The following IFNAR1 variants were observed in gnomAD, a reference collection of about 807,000 sequenced individuals.
IFNAR1 encodes the protein interferon alpha/beta receptor 1.
In IFNAR1, 47 loss-of-function variants were observed where a neutral mutation model predicts 62.1. That is an observed-to-expected ratio of 0.76 (90% CI 0.60 to 0.97). IFNAR1 has a LOEUF of 0.97. IFNAR1 is among the 50% of genes least tolerant of loss of function. The pLI, the probability that IFNAR1 is intolerant of heterozygous loss-of-function variation, is 0.00. For synonymous variants in IFNAR1, 219 were observed against 226.9 expected (o/e 0.97, Z 0.31); for missense variants, 638 against 654.5 (o/e 0.97, Z 0.27).
At chr21:33,348,118 T>G (rs1255497548) in intron 6 of IFNAR1, among the ~76,000 whole-genome samples, 1 of 152,214 alleles carries the variant, frequency 6.6e-6, no homozygotes, top group Non-Finnish European at 1.5e-5. Flanking sequence ...GCTGTTGGTT[T>G]CTGGGCAAGT....
Position 33,349,459 on chromosome 21 carries a change from A to G in IFNAR1, c.1059A>G (p.Pro353=). 1 of 1,612,192 alleles carries G rather than the reference A, an allele frequency of 6.2e-7. No homozygotes were observed. The highest frequency in any genetic ancestry group is 8.5e-7 in the Non-Finnish European group (1 of 1,178,302). The change falls in exon 8 of 11, where the codon CCA becomes CCG. Residue 353 remains proline, a synonymous_variant. Coordinates refer to ENST00000270139, the MANE Select transcript of IFNAR1 (RefSeq NM_000629.3). ...CATTCCATATCTATATCGGTGCTCCAAAACAGTCTGGAAACACGCCTGTGA... is the reference window on the plus strand; with the variant it reads ...CATTCCATATCTATATCGGTGCTCCGAAACAGTCTGGAAACACGCCTGTGA... The part of the protein sequence containing the change: ...SDSFHIYIGA[P]KQSGNTPVIQ...
intron 2 of IFNAR1, among the ~76,000 whole-genome samples, chr21:33,336,747 C>CTTTTTTTTTTTT (rs562998490): frequency 1.1e-5 from 1 of 92,696 alleles, no homozygotes; most frequent in African/African-American, 4.1e-5. Context: ...TTTAGGTACA[C>CTTTTTTTTTTTT]TTTTTTTTTT....
rs180872415 is a variant in IFNAR1, at chr21:33,345,225, T to A, written c.674-21T>A. 4,003 of 1,171,574 alleles carry A rather than the reference T, an allele frequency of 3.4e-3. 11 individuals carry two copies. The highest frequency in any genetic ancestry group is 4.5e-3 in the Non-Finnish European group (3,535 of 787,582). The allele number at this position is 1,171,574 out of a possible 1,614,324, so 72.6% of individuals were successfully genotyped here. On this transcript the variant is annotated intron_variant, in intron 5 of 10. Transcript: ENST00000270139. ...TTGAGTAAAAATGTGTGCTTTTTTT[T>A]ATCTGTTCTTTGGCTTCTAGTTGAA... is the stretch of plus-strand genomic sequence containing the variant.
chr21:33,345,443 T>A, intron 6 of IFNAR1, 83 bp downstream of exon 6: 3 of 777,798 alleles, frequency 3.9e-6, no homozygotes. Flanking sequence ...ACCAGGTCCT[T>A]GCACACAGAA....
In IFNAR1 at chr21:33,334,196, C is replaced by T. The variant is rs80197321; in HGVS notation, c.77-1328C>T. On this transcript the variant is annotated intron_variant, in intron 1 of 10. Coordinates refer to ENST00000270139, the MANE Select transcript of IFNAR1 (RefSeq NM_000629.3). ...GATATATAAAGTAAATATTACTATACGTAAAGGGAAAGATAGACTCCAATA... is the reference window on the plus strand; with the variant it reads ...GATATATAAAGTAAATATTACTATATGTAAAGGGAAAGATAGACTCCAATA... 4.3e-4 allele frequency among the ~76,000 whole-genome samples: 65 copies of T among 152,184 alleles called. No individual in the cohort carries two copies. The East Asian group carries it at 9.2e-3, about 22-fold the overall frequency.
chr21:33,355,285 GA>G, intron 10 of IFNAR1, 30 bp from the exon 11 acceptor site: 5 of 1,047,462 alleles, frequency 4.8e-6, no homozygotes, highest in Non-Finnish European at 7.0e-6. Flanking sequence ...TTAAATAATT[GA>G]TTTCTACTCT....
chr21:33,350,827 A>G (rs1273616662), intron 8 of IFNAR1, among the ~76,000 whole-genome samples: 1 of 152,214 alleles, frequency 6.6e-6, no homozygotes, highest in Non-Finnish European at 1.5e-5. Context: ...AGATGTCTGT[A>G]GATCAGACAA....
intron 6 of IFNAR1, among the ~76,000 whole-genome samples, chr21:33,346,438 A>G (rs2123254829): frequency 6.6e-6 from 1 of 152,364 alleles, no homozygotes; most frequent in African/African-American, 2.4e-5. Flanking sequence ...AAATGCATTT[A>G]TGTGCATATG....
chr21:33,344,360 A>AT (rs1185394322), intron 5 of IFNAR1, among the ~76,000 whole-genome samples: 1 of 152,166 alleles, frequency 6.6e-6, no homozygotes, highest in African/African-American at 2.4e-5. Flanking sequence ...ATCCTGATAC[A>AT]TTTAGTAACA....
At chr21:33,343,231 A>G in intron 3 of IFNAR1, 37 bp from the exon 4 acceptor site, 1 of 1,586,780 alleles carries the variant, frequency 6.3e-7, no homozygotes. Flanking sequence ...CATTGTATTA[A>G]TAAAGTTCCA....
rs866882094 is a variant in IFNAR1, at chr21:33,338,531, C to A, written c.201-2468C>A. Among the ~76,000 whole-genome samples the A allele has an allele frequency of 3.2e-3, 376 of 115,954 alleles. 1 individual carries two copies. Among genetic ancestry groups the A allele is most frequent in the South Asian group, 3.5e-3 (12 of 3,428 alleles). The allele number at this position is 115,954 out of a possible 152,430, so 76.1% of individuals were successfully genotyped here. ...CCTGGGTGACAGCAAGACTTCATCT[C>A]AAAAAAAAAAAAAAACCCAACAAAT... On this transcript the variant is annotated intron_variant, in intron 2 of 10. Coordinates refer to ENST00000270139, the MANE Select transcript of IFNAR1 (RefSeq NM_000629.3).
At position 33,355,583 on chromosome 21, in the gene IFNAR1, C is replaced by A; in HGVS notation, c.*34C>A. ...GAACTGTGTCAAGTATAAGGTTTTT[C>A]AGCAGGAGTTACACTGGGAGCCTGA... On this transcript the variant is annotated 3_prime_UTR_variant, in exon 11 of 11. Transcript: ENST00000270139. 8.2e-7 allele frequency: 1 copy of A among 1,224,100 alleles called. No homozygotes were observed. Among genetic ancestry groups the A allele is most frequent in the Non-Finnish European group, 1.1e-6 (1 of 869,744 alleles). The allele number at this position is 1,224,100 out of a possible 1,614,324, so 75.8% of individuals were successfully genotyped here.
At chr21:33,327,147 C>T (rs969354639) in intron 1 of IFNAR1, among the ~76,000 whole-genome samples, 5 of 152,098 alleles carry the variant, frequency 3.3e-5, no homozygotes, top group Non-Finnish European at 5.9e-5. Context: ...CTGGTGCATC[C>T]CATAGTAATT....
Position 33,355,664 on chromosome 21 carries a change from G to GA in IFNAR1, c.*121dup, listed in dbSNP as rs2083441092. On this transcript the variant is annotated 3_prime_UTR_variant, in exon 11 of 11. Transcript: ENST00000270139. ...GAGGACGTTTCCCTGTTTAGGGAAA[G>GA]AAAAAACATCTTCAGATCATAGGTC... 1 of 554,784 alleles carries GA rather than the reference G, an allele frequency of 1.8e-6. No homozygotes were observed. Among genetic ancestry groups the GA allele is most frequent in the East Asian group, 3.1e-5 (1 of 32,432 alleles). The allele number at this position is 554,784 out of a possible 1,614,324, so 34.4% of individuals were successfully genotyped here. A position where few individuals can be genotyped will look rare whatever the true frequency, so the allele number is the denominator to read the frequency against.
At chr21:33,348,882 T>C (rs2083373723) in intron 6 of IFNAR1, among the ~76,000 whole-genome samples, 1 of 152,178 alleles carries the variant, frequency 6.6e-6, no homozygotes, top group South Asian at 2.1e-4. Context: ...CATATTGATA[T>C]GAGCCACCTC....
chr21:33,331,985 C>G (rs1055352177), intron 1 of IFNAR1, among the ~76,000 whole-genome samples: 3 of 152,176 alleles, frequency 2.0e-5, no homozygotes, highest in Admixed American at 6.5e-5. Flanking sequence ...CCACAGAGAG[C>G]AAACCCACCT....
Position 33,333,614 on chromosome 21 carries a change from A to ATTTTTTTTTTTTTTTTTTTTTTT in IFNAR1, c.77-1899_77-1898insTTTTTTTTTTTTTTTTTTTTTTT, listed in dbSNP as rs59240203. 1.1e-3 allele frequency among the ~76,000 whole-genome samples: 119 copies of ATTTTTTTTTTTTTTTTTTTTTTT among 106,980 alleles called. 21 individuals carry two copies. Among genetic ancestry groups the ATTTTTTTTTTTTTTTTTTTTTTT allele is most frequent in the Middle Eastern group, 5.2e-3 (1 of 192 alleles). 70.2% of individuals were successfully genotyped at this position (106,980 alleles called of 152,430 possible). ...CCATACTTAAAGAGACTGGCGGAAT[A>ATTTTTTTTTTTTTTTTTTTTTTT]TTTTTTTTTTTCTTTTTTTTTTTTT... On this transcript the variant is annotated intron_variant, in intron 1 of 10. Coordinates refer to ENST00000270139, the MANE Select transcript of IFNAR1 (RefSeq NM_000629.3).
intron 1 of IFNAR1, 66 bp downstream of exon 1, chr21:33,325,197 G>A (rs2083114667): frequency 2.4e-5 from 33 of 1,391,180 alleles, no homozygotes; most frequent in Middle Eastern, 4.8e-4. Flanking sequence ...GGCTACGGGG[G>A]CGGCGATGCT....
At chr21:33,338,911 T>A (rs1194903500) in intron 2 of IFNAR1, among the ~76,000 whole-genome samples, 1 of 151,782 alleles carries the variant, frequency 6.6e-6, no homozygotes, top group Non-Finnish European at 1.5e-5. Context: ...CCCGGCTAAT[T>A]TTGTATTTTT....
Sources: allele counts gnomAD v4.1 joint callset (sites outside exome capture counted in the v4.1 genomes callset), GRCh38; gene constraint gnomAD v4.1.1; transcripts MANE v1.5; gene names NCBI Gene and HGNC (gene_info 2026-07-23, HGNC 2026-07-21).